RPH3A: variants seen among roughly 807,000 people sequenced by gnomAD.
The protein encoded by RPH3A is rabphilin-3A.
In RPH3A, 48 loss-of-function variants were observed where a neutral mutation model predicts 102.2. The observed-to-expected ratio is 0.47, with a 90% CI of 0.37 to 0.60. RPH3A has a LOEUF of 0.60. RPH3A is among the 20% of genes least tolerant of loss of function. The probability of loss-of-function intolerance (pLI) is 0.00; values close to 1 mark genes in which losing one functional copy is unlikely to be tolerated. For missense variants in RPH3A, 781 were observed against 910.1 expected, an observed-to-expected ratio of 0.86 and a Z score of 1.83; for synonymous variants, 310 against 324.3, an observed-to-expected ratio of 0.96 and a Z score of 0.47.
chr12:112,857,780 C>T (rs1302986613), intron 5 of RPH3A, among the ~76,000 whole-genome samples: 2 of 152,170 alleles, frequency 1.3e-5, no homozygotes, highest in East Asian at 3.8e-4. Context: ...TTTTGTGGCC[C>T]TCCTGATATG....
intron 1 of RPH3A, among the ~76,000 whole-genome samples, chr12:112,656,808 C>CATAT (rs984222907): frequency 1.0e-4 from 15 of 149,372 alleles, no homozygotes; most frequent in African/African-American, 3.7e-4. Flanking sequence ...TATATATATA[C>CATAT]ATATATATAT....
At chr12:112,812,158 G>A (rs1460283685) in intron 2 of RPH3A, among the ~76,000 whole-genome samples, 1 of 152,130 alleles carries the variant, frequency 6.6e-6, no homozygotes, top group Non-Finnish European at 1.5e-5. Flanking sequence ...TCAATTATAT[G>A]TAGTTACAAG....
At chr12:112,883,865 A>ATCCACTTTTATT in intron 16 of RPH3A, among the ~76,000 whole-genome samples, 1 of 77,374 alleles carries the variant, frequency 1.3e-5, no homozygotes, top group Non-Finnish European at 3.8e-5. Flanking sequence ...ATATATATAT[A>ATCCACTTTTATT]TATCCACTTT....
intron 10 of RPH3A, among the ~76,000 whole-genome samples, chr12:112,872,009 G>A (rs373035065): frequency 5.3e-5 from 8 of 151,858 alleles, no homozygotes; most frequent in East Asian, 3.9e-4. Context: ...GTCATTGTGC[G>A]CCTGACATAC....
intron 4 of RPH3A, among the ~76,000 whole-genome samples, chr12:112,844,421 C>T (rs2042197518): frequency 1.3e-5 from 2 of 152,188 alleles, no homozygotes; most frequent in African/African-American, 4.8e-5. Context: ...AGTCATACAG[C>T]TGCAAGCAAA....
At chr12:112,835,430 C>A (rs1292628889) in intron 3 of RPH3A, among the ~76,000 whole-genome samples, 1 of 152,154 alleles carries the variant, frequency 6.6e-6, no homozygotes, top group Non-Finnish European at 1.5e-5. Flanking sequence ...CGATATGAAG[C>A]CAAACAATTT....
At chr12:112,630,509 G>A (rs1326047503) in intron 1 of RPH3A, among the ~76,000 whole-genome samples, 1 of 152,168 alleles carries the variant, frequency 6.6e-6, no homozygotes, top group Non-Finnish European at 1.5e-5. Context: ...AGGGGGCCAG[G>A]CTTCTGCACC....
chr12:112,719,150 C>CA (rs2040534236), intron 1 of RPH3A, among the ~76,000 whole-genome samples: 1 of 152,090 alleles, frequency 6.6e-6, no homozygotes, highest in Non-Finnish European at 1.5e-5. Context: ...TCCCCTAAAA[C>CA]AAAAAATTAT....
intron 2 of RPH3A, among the ~76,000 whole-genome samples, chr12:112,825,163 T>C (rs921354441): frequency 6.6e-6 from 1 of 151,926 alleles, no homozygotes; most frequent in Non-Finnish European, 1.5e-5. Context: ...TAAAGTTCTT[T>C]TTCAGCAAAT....
At chr12:112,619,367 C>A (rs2039704185) in intron 1 of RPH3A, among the ~76,000 whole-genome samples, 1 of 150,706 alleles carries the variant, frequency 6.6e-6, no homozygotes, top group Non-Finnish European at 1.5e-5. Flanking sequence ...CCCATTGCAA[C>A]CTCTGCCTCC....
At chr12:112,824,355 G>A (rs750191674) in intron 2 of RPH3A, among the ~76,000 whole-genome samples, 2 of 152,182 alleles carry the variant, frequency 1.3e-5, no homozygotes, top group African/African-American at 2.4e-5. Flanking sequence ...CGATTCTCTG[G>A]AAAATGGTGC....
chr12:112,755,401 G>T (rs994342043), intron 1 of RPH3A, among the ~76,000 whole-genome samples: 3 of 151,324 alleles, frequency 2.0e-5, no homozygotes, highest in African/African-American at 7.3e-5. Flanking sequence ...TTGAGTTATT[G>T]GCCCTAATCC....
Position 112,876,757 on chromosome 12 carries a change from A to G in RPH3A, c.1062A>G (p.Gly354=). ...AREDRMSHPS[G]PYSQASAAAP... is the part of the protein sequence containing the mutation. ...AGGACCGAATGAGCCACCCCTCCGG[A>G]CCCTATTCCCAAGCATCTGCAGCTG... Residue 354 remains glycine (G), a synonymous_variant, in exon 13 of 22, where the codon GGA becomes GGG. Transcript: ENST00000389385. 6.2e-7 allele frequency: 1 copy of G among 1,612,862 alleles called. No homozygotes were observed. The highest frequency in any genetic ancestry group is 8.5e-7 in the Non-Finnish European group (1 of 1,179,526).
chr12:112,680,514 C>T (rs985722746), intron 1 of RPH3A, among the ~76,000 whole-genome samples: 4 of 152,142 alleles, frequency 2.6e-5, no homozygotes, highest in African/African-American at 9.7e-5. Flanking sequence ...AGTCAAGTTA[C>T]CTGCCCAAGG....
chr12:112,882,010 A>AGGG (rs1228240297), intron 15 of RPH3A, among the ~76,000 whole-genome samples, 164 bp downstream of exon 15: 1 of 152,226 alleles, frequency 6.6e-6, no homozygotes, highest in East Asian at 1.9e-4. Flanking sequence ...AGTATGTTCC[A>AGGG]GGGGTCATTC....
At chr12:112,707,634 A>G (rs2040434536) in intron 1 of RPH3A, among the ~76,000 whole-genome samples, 1 of 152,242 alleles carries the variant, frequency 6.6e-6, no homozygotes, top group Non-Finnish European at 1.5e-5. Context: ...TTAACAAGTT[A>G]TAGCAATTGT....
At chr12:112,578,755 T>G (rs1321802970) in intron 1 of RPH3A, among the ~76,000 whole-genome samples, 2 of 152,176 alleles carry the variant, frequency 1.3e-5, no homozygotes, top group Admixed American at 6.5e-5. Flanking sequence ...GGTCCGAGCA[T>G]GAAATGTCAA....
chr12:112,722,089 C>T (rs182632483), intron 1 of RPH3A, among the ~76,000 whole-genome samples: 104 of 152,314 alleles, frequency 6.8e-4, no homozygotes, highest in Middle Eastern at 3.4e-3. Context: ...TCCATCCCCA[C>T]TCCTCCTCAT....
chr12:112,695,236 G>C (rs916810971), intron 1 of RPH3A: 1 of 168,168 alleles, frequency 5.9e-6, no homozygotes, highest in African/African-American at 2.4e-5. Flanking sequence ...GAGATGTATA[G>C]ACTTAAGATA....
Sources: gnomAD v4.1 joint callset for allele counts (sites outside exome capture counted in the v4.1 genomes callset) on GRCh38, gnomAD v4.1.1 for gene constraint, MANE v1.5 for transcripts, NCBI Gene and HGNC (gene_info 2026-07-23, HGNC 2026-07-21) for gene names.